COLQ: variants seen among roughly 807,000 people sequenced by gnomAD.
The protein encoded by COLQ is collagen like tail subunit of asymmetric acetylcholinesterase.
In COLQ, 48 loss-of-function variants were observed where a neutral mutation model predicts 69.0. That is an observed-to-expected ratio of 0.70 (90% CI 0.55 to 0.88). The LOEUF (loss-of-function observed/expected upper bound fraction) is 0.88. Ranked by LOEUF, COLQ falls within the 40% of genes least tolerant of loss-of-function variation. The probability of loss-of-function intolerance (pLI) is 0.00; values close to 1 mark genes in which losing one functional copy is unlikely to be tolerated. For synonymous variants in COLQ, 217 were observed against 211.2 expected (o/e 1.03, Z -0.24); for missense variants, 618 against 594.6 (o/e 1.04, Z -0.41).
Position 15,499,858 on chromosome 3 carries a change from C to T in COLQ, c.107-10221G>A, listed in dbSNP as rs116823780. On this transcript the variant is annotated intron_variant, in intron 1 of 16. Transcript: ENST00000383788. ...AGGAAGTTATTCATTCTTTCGGAGT[C>T]TAAGCTTTCTTACTTATAAAGTGGG... Among the ~76,000 whole-genome samples, 1,246 of 152,270 alleles carry T rather than the reference C, an allele frequency of 8.2e-3. 25 individuals are homozygous for T. The highest frequency in any genetic ancestry group is 0.028 in the African/African-American group (1,166 of 41,554).
intron 1 of COLQ, among the ~76,000 whole-genome samples, chr3:15,497,035 C>CTTT: frequency 7.3e-6 from 1 of 136,378 alleles, no homozygotes; most frequent in Admixed American, 7.4e-5. Context: ...AGTCCTTTTG[C>CTTT]CTTTTTTTTT....
intron 12 of COLQ, among the ~76,000 whole-genome samples, chr3:15,459,075 C>T (rs1366523336): frequency 2.6e-5 from 4 of 152,140 alleles, no homozygotes; most frequent in Non-Finnish European, 1.5e-5. Flanking sequence ...ATCTCCTGAC[C>T]TCAAGTAATC....
At chr3:15,491,470 C>T (rs1241272545) in intron 1 of COLQ, among the ~76,000 whole-genome samples, 1 of 152,190 alleles carries the variant, frequency 6.6e-6, no homozygotes, top group Non-Finnish European at 1.5e-5. Flanking sequence ...CAGGACCTGC[C>T]TCAGACACTA....
At chr3:15,509,961 A>G (rs1027976963) in intron 1 of COLQ, among the ~76,000 whole-genome samples, 7 of 151,850 alleles carry the variant, frequency 4.6e-5, no homozygotes, top group African/African-American at 1.7e-4. Flanking sequence ...TCATGAGGTC[A>G]GGAGATCGAG....
intron 1 of COLQ, among the ~76,000 whole-genome samples, chr3:15,505,199 G>A (rs2062891650): frequency 6.6e-6 from 1 of 152,162 alleles, no homozygotes; most frequent in Admixed American, 6.5e-5. Flanking sequence ...GCCACCTGGA[G>A]GAACCTGAAG....
intron 1 of COLQ, among the ~76,000 whole-genome samples, chr3:15,512,838 C>T (rs993224618): frequency 8.5e-5 from 13 of 152,166 alleles, no homozygotes; most frequent in African/African-American, 1.2e-4. Context: ...ATTTCATAGA[C>T]GAGGAGGCTG....
At chr3:15,515,067 T>G (rs2063041671) in intron 1 of COLQ, among the ~76,000 whole-genome samples, 1 of 152,198 alleles carries the variant, frequency 6.6e-6, no homozygotes. Flanking sequence ...TTTGGGCAGC[T>G]GGTTCACAAA....
intron 10 of COLQ, among the ~76,000 whole-genome samples, chr3:15,471,178 G>GA (rs771051720): frequency 9.2e-5 from 14 of 152,202 alleles, no homozygotes; most frequent in African/African-American, 2.9e-4. Flanking sequence ...ATTGGTTTGA[G>GA]TTCCAGCTCA....
At chr3:15,454,723 G>A (rs1033146513) in intron 15 of COLQ, among the ~76,000 whole-genome samples, 23 of 145,348 alleles carry the variant, frequency 1.6e-4, no homozygotes, top group Non-Finnish European at 2.5e-4. Context: ...TGGTGCAATC[G>A]CAGTTCACTG....
chr3:15,503,670 T>C (rs1354116945), intron 1 of COLQ, among the ~76,000 whole-genome samples: 1 of 152,080 alleles, frequency 6.6e-6, no homozygotes, highest in African/African-American at 2.4e-5. Context: ...ACAAGGTATA[T>C]ATTAGTACTG....
rs1167974168 is a variant in COLQ, at chr3:15,488,261, G to A, written c.266C>T (p.Ser89Leu). The change falls in exon 3 of 17, where the codon TCG becomes TTG. Residue 89 changes from serine (S) to leucine (L), a missense_variant. Physicochemically the swap from Ser to Leu is moderately radical, Grantham distance 145. Transcript: ENST00000383788. The part of the protein sequence containing the change: ...MKNLMLELET[S>L]QSPCMQGSLG... ...CGAGCCTTGCATGCACGGGGACTGC[G>A]AGGTCTCCAGTTCCAGCATGAGATT... is the stretch of plus-strand genomic sequence containing the variant. 1.9e-6 allele frequency: 3 copies of A among 1,613,636 alleles called. No homozygotes were observed. The highest frequency in any genetic ancestry group is 1.3e-5 in the African/African-American group (1 of 75,032).
chr3:15,520,720 C>T (rs1173630837), intron 1 of COLQ, among the ~76,000 whole-genome samples: 2 of 152,140 alleles, frequency 1.3e-5, no homozygotes, highest in Non-Finnish European at 2.9e-5. Context: ...CGAATACTTC[C>T]CCTGCTCTGG....
chr3:15,464,305 C>T (rs200884274), intron 12 of COLQ, among the ~76,000 whole-genome samples: 34 of 152,308 alleles, frequency 2.2e-4, no homozygotes, highest in East Asian at 7.7e-4. Flanking sequence ...CTGATACCCA[C>T]GTATGGCATG....
chr3:15,510,844 G>C (rs935965240), intron 1 of COLQ, among the ~76,000 whole-genome samples: 3 of 138,712 alleles, frequency 2.2e-5, no homozygotes, highest in African/African-American at 8.5e-5. Flanking sequence ...GGAAGGGAGG[G>C]AGAGAGGAAG....
At chr3:15,513,043 T>G (rs2063007855) in intron 1 of COLQ, among the ~76,000 whole-genome samples, 2 of 152,262 alleles carry the variant, frequency 1.3e-5, no homozygotes, top group African/African-American at 4.8e-5. Flanking sequence ...TGTTCCTTTC[T>G]TCTTTAGTAA....
chr3:15,475,773 C>T (rs2062369863), intron 6 of COLQ, among the ~76,000 whole-genome samples: 2 of 152,120 alleles, frequency 1.3e-5, no homozygotes, highest in Admixed American at 1.3e-4. Flanking sequence ...TGGTATTTTC[C>T]TAGCGAGGAT....
intron 11 of COLQ, among the ~76,000 whole-genome samples, chr3:15,469,102 C>T (rs1008814805): frequency 6.6e-6 from 1 of 152,148 alleles, no homozygotes; most frequent in Admixed American, 6.5e-5. Flanking sequence ...ACCCCAACAC[C>T]GAGGGTTTGC....
At chr3:15,457,774 G>A (rs1327932664) in intron 13 of COLQ, among the ~76,000 whole-genome samples, 3 of 151,976 alleles carry the variant, frequency 2.0e-5, no homozygotes, top group Admixed American at 6.6e-5. Flanking sequence ...CACCGCGCCC[G>A]GCTAATTTTT....
rs554619278 is a variant in COLQ at position 15,492,307 on chromosome 3, AG to A, written c.107-2671del. On this transcript the variant is annotated intron_variant, in intron 1 of 16. Coordinates refer to ENST00000383788, the MANE Select transcript of COLQ (RefSeq NM_005677.4). Reference sequence around the variant, plus strand: ...CTGGGTAAAATTCCCGACTAGATAAAGCACAACCATTACTCCATAATTGTAG... The same window carrying A: ...CTGGGTAAAATTCCCGACTAGATAAACACAACCATTACTCCATAATTGTAG... Among the ~76,000 whole-genome samples the A allele has an allele frequency of 1.0e-3, 158 of 152,324 alleles. 3 individuals are homozygous for A. Among genetic ancestry groups the A allele is most frequent in the Non-Finnish European group, 1.2e-4 (8 of 68,028 alleles).
Sources: allele counts gnomAD v4.1 joint callset (sites outside exome capture counted in the v4.1 genomes callset), GRCh38; gene constraint gnomAD v4.1.1; transcripts MANE v1.5; gene names NCBI Gene and HGNC (gene_info 2026-07-23, HGNC 2026-07-21).